Variants in NUP210L observed in about 807,000 individuals in gnomAD.
NUP210L encodes the protein nuclear pore membrane glycoprotein 210-like.
Under a neutral mutation model 208.5 loss-of-function variants are expected in NUP210L, and 74 were observed. The observed-to-expected ratio is 0.35, with a 90% confidence interval of 0.29 to 0.43. The LOEUF is 0.43. Among genes scored for constraint, NUP210L ranks in the 20% least tolerant of loss-of-function variants. The pLI is 1.00. For synonymous variants in NUP210L, 780 were observed against 816.9 expected, an observed-to-expected ratio of 0.95 and a Z score of 0.77; for missense variants, 1,843 against 2,289.4, an observed-to-expected ratio of 0.81 and a Z score of 3.98.
intron 27 of NUP210L, 61 bp downstream of exon 27, chr1:154,046,008 A>T: frequency 6.9e-7 from 1 of 1,453,152 alleles, no homozygotes; most frequent in South Asian, 1.3e-5. Flanking sequence ...ACTTATGATA[A>T]ATTAAAATAA....
At chr1:154,097,442 A>G (rs774868929) in intron 14 of NUP210L, among the ~76,000 whole-genome samples, 29 of 152,180 alleles carry the variant, frequency 1.9e-4, no homozygotes, top group Non-Finnish European at 3.8e-4. Context: ...TTCAATATAT[A>G]TAAAATAAGC....
At chr1:154,032,862 G>A (rs1008816831) in intron 27 of NUP210L, among the ~76,000 whole-genome samples, 7 of 149,086 alleles carry the variant, frequency 4.7e-5, no homozygotes, top group African/African-American at 1.7e-4. Flanking sequence ...AGCTTGCAGT[G>A]AGGCGAGATC....
Position 154,061,582 on chromosome 1 carries a change from T to G in NUP210L, c.2643+4A>C. 4.0e-6 allele frequency: 6 copies of G among 1,502,506 alleles called. No homozygotes were observed. The highest frequency in any genetic ancestry group is 5.5e-6 in the Non-Finnish European group (6 of 1,087,716). The allele number at this position is 1,502,506 out of a possible 1,614,324, so 93.1% of individuals were successfully genotyped here. On this transcript the variant is annotated splice_donor_region_variant and intron_variant, in intron 18 of 39. Transcript: ENST00000368559. ...ATATTTCTTACATTATAATCTCCAC[T>G]CACTTTTGGGCTTTTCTTCTCTGAA...
intron 14 of NUP210L, among the ~76,000 whole-genome samples, chr1:154,096,242 C>T (rs879799905): frequency 2.6e-5 from 4 of 152,106 alleles, no homozygotes; most frequent in Non-Finnish European, 4.4e-5. Context: ...GCAAACTATG[C>T]TTTCTTTTCA....
intron 8 of NUP210L, among the ~76,000 whole-genome samples, chr1:154,128,742 A>G (rs55677228): frequency 0.32 from 47,877 of 151,898 alleles, 8,248 homozygotes; most frequent in Admixed American, 0.46. Context: ...AGCTACTTGG[A>G]AGGCTAAGGT....
chr1:154,054,859 C>T (rs752012261), intron 23 of NUP210L, 27 bp from the exon 24 acceptor site: 6 of 1,510,318 alleles, frequency 4.0e-6, no homozygotes, highest in Non-Finnish European at 5.5e-6. Context: ...AAAAGGACAA[C>T]AGTAACTAAC....
chr1:154,027,646 CT>C, intron 28 of NUP210L, 49 bp from the exon 29 acceptor site: 1 of 1,231,076 alleles, frequency 8.1e-7, no homozygotes. Context: ...CAAATTATGA[CT>C]TTTACTTACA....
intron 27 of NUP210L, among the ~76,000 whole-genome samples, chr1:154,038,583 G>C (rs1006926207): frequency 6.6e-6 from 1 of 152,012 alleles, no homozygotes; most frequent in Non-Finnish European, 1.5e-5. Context: ...GACCTCAGGT[G>C]ACCTGCCTGC....
At position 154,095,287 on chromosome 1, in the gene NUP210L, C is replaced by T. The variant is rs1656126094; in HGVS notation, c.1966-131G>A. On this transcript the variant is annotated intron_variant, in intron 14 of 39. Transcript: ENST00000368559. The stretch of plus-strand genomic sequence containing the variant: ...ATTCCCAAATTAAGAGATATGTATG[C>T]CATGCCTCTCACTTGGAATGCTTCT... The T allele has an allele frequency of 3.0e-5, 20 of 676,248 alleles. No homozygotes were observed. The South Asian group carries it at 3.6e-4, about 12-fold the overall frequency. 41.9% of individuals were successfully genotyped at this position (676,248 alleles called of 1,614,324 possible).
chr1:154,058,543 A>G (rs746565800), intron 21 of NUP210L, 22 bp downstream of exon 21: 1 of 1,606,318 alleles, frequency 6.2e-7, no homozygotes, highest in South Asian at 1.1e-5. Context: ...TTAATTTCTG[A>G]GATAAAACAA....
intron 2 of NUP210L, 68 bp downstream of exon 2, chr1:154,152,668 T>C: frequency 7.3e-7 from 1 of 1,372,786 alleles, no homozygotes; most frequent in Non-Finnish European, 1.0e-6. Flanking sequence ...GTGTTAACTA[T>C]CTATACAAAA....
chr1:153,999,734 CAAAAAAAAA>C lies in NUP210L; in HGVS notation c.5386+1113_5386+1121del, dbSNP rs1172554188. On this transcript the variant is annotated intron_variant, in intron 37 of 39. Coordinates refer to ENST00000368559, the Ensembl canonical transcript of NUP210L. Reference sequence around the variant, plus strand: ...CCTGGGTGACAGAGCAAGACTCTCTCAAAAAAAAAAAAAAAAAAAAAAAGGTTTAAAATA... The same window carrying C: ...CCTGGGTGACAGAGCAAGACTCTCTCAAAAAAAAAAAAAAGGTTTAAAATA... Among the ~76,000 whole-genome samples the C allele has an allele frequency of 1.3e-4, 7 of 54,594 alleles. 1 individual carries two copies. Among genetic ancestry groups the C allele is most frequent in the Admixed American group, 2.5e-4 (1 of 4,046 alleles). 35.8% of individuals were successfully genotyped at this position (54,594 alleles called of 152,430 possible). A position where few individuals can be genotyped will look rare whatever the true frequency, so the allele number is the denominator to read the frequency against.
In NUP210L at chr1:154,126,682, T is replaced by G. The variant is rs1214880429; in HGVS notation, c.1186-219A>C. Among the ~76,000 whole-genome samples, 3 of 152,320 alleles carry G rather than the reference T, an allele frequency of 2.0e-5. No homozygotes were observed. In the East Asian group the frequency reaches 5.8e-4, roughly 29 times the overall value. On this transcript the variant is annotated intron_variant, in intron 9 of 39. Coordinates refer to ENST00000368559, the Ensembl canonical transcript of NUP210L. The stretch of plus-strand genomic sequence containing the variant: ...ATCTATCAATGGCAAACATCAGGAA[T>G]AGCAAGAGTCAAAGCTTATGCAAAT...
At chr1:154,000,757 T>G (rs1386379883) in intron 37 of NUP210L, 99 bp downstream of exon 37, 2 of 1,017,496 alleles carry the variant, frequency 2.0e-6, no homozygotes, top group African/African-American at 3.2e-5. Flanking sequence ...GACAGTTAAG[T>G]GAAATGCGGA....
chr1:154,152,919 T>G (rs1437576675), intron 1 of NUP210L, 47 bp from the exon 2 acceptor site: 2 of 1,553,198 alleles, frequency 1.3e-6, no homozygotes, highest in Admixed American at 1.7e-5. Flanking sequence ...GGGTTAAAAT[T>G]AACTTTTAGT....
intron 32 of NUP210L, 95 bp downstream of exon 32, chr1:154,022,031 G>T: frequency 1.8e-6 from 2 of 1,142,196 alleles, no homozygotes; most frequent in Non-Finnish European, 2.6e-6. Flanking sequence ...CACTATACCA[G>T]TCCAAGGGAT....
At chr1:154,119,685 T>C (rs1224529132) in intron 10 of NUP210L, among the ~76,000 whole-genome samples, 5 of 152,182 alleles carry the variant, frequency 3.3e-5, no homozygotes, top group Non-Finnish European at 7.3e-5. Context: ...GATTTTGGTA[T>C]ATGTGGGGTC....
At chr1:154,154,907 T>C (rs1285997199) in exon 1 of NUP210L, 1 of 1,614,112 alleles carries the variant, frequency 6.2e-7, no homozygotes, top group Non-Finnish European at 8.5e-7. Context: ...GGCCGAAGGG[T>C]AGCAACACCT....
chr1:154,146,196 T>C (rs1438382321), intron 2 of NUP210L, among the ~76,000 whole-genome samples: 1 of 152,014 alleles, frequency 6.6e-6, no homozygotes, highest in African/African-American at 2.4e-5. Context: ...GGAGCCAACC[T>C]GAAAGAGCCC....
Sources: allele counts gnomAD v4.1 joint callset (sites outside exome capture counted in the v4.1 genomes callset), GRCh38; gene constraint gnomAD v4.1.1; transcripts MANE v1.5; gene names NCBI Gene and HGNC (gene_info 2026-07-23, HGNC 2026-07-21).